The following ZBED4 variants were observed in gnomAD, a reference collection of about 807,000 sequenced individuals.
ZBED4 encodes the protein zinc finger BED-type containing 4, also known as zinc finger BED domain-containing protein 4.
In ZBED4, 4 loss-of-function variants were observed where a neutral mutation model predicts 15.5. The ratio of observed to expected loss-of-function variants is 0.26; its 90% confidence interval spans 0.13 to 0.59. ZBED4 has a LOEUF of 0.59. ZBED4 is among the 20% of genes least tolerant of loss of function. The pLI, the probability that ZBED4 is intolerant of heterozygous loss-of-function variation, is 0.90. For synonymous variants in ZBED4, 692 were observed against 608.5 expected (o/e 1.14, Z -2.02); for missense variants, 1,323 against 1,461.8 (o/e 0.91, Z 1.55).
intron 1 of ZBED4, among the ~76,000 whole-genome samples, chr22:49,868,000 A>G (rs2060329822): frequency 6.6e-6 from 1 of 152,230 alleles, no homozygotes; most frequent in African/African-American, 2.4e-5. Flanking sequence ...AAAGATCAAC[A>G]TTCAGAATTC....
At chr22:49,867,380 C>A (rs369003537) in intron 1 of ZBED4, among the ~76,000 whole-genome samples, 3 of 152,262 alleles carry the variant, frequency 2.0e-5, no homozygotes, top group African/African-American at 7.2e-5. Context: ...GTGGGAGCGG[C>A]GGTTGGGGAG....
chr22:49,864,979 C>T (rs2147510598), intron 1 of ZBED4, among the ~76,000 whole-genome samples: 2 of 134,846 alleles, frequency 1.5e-5, no homozygotes, highest in South Asian at 5.2e-4. Context: ...CGGAGTCCAG[C>T]TATTGTGCTG....
rs1163369171 is a variant in ZBED4, at chr22:49,886,611, C to T, written c.2949C>T (p.Arg983=). The T allele has an allele frequency of 6.4e-7, 1 of 1,574,116 alleles. No homozygotes were observed. The highest frequency in any genetic ancestry group is 1.2e-5 in the South Asian group (1 of 84,810). ...EETMGIDTML[R]SLKEAMVSRL... is the part of the protein sequence containing the mutation. ...CGATGGGCATCGACACCATGCTGCG[C>T]TCTCTGAAGGAGGCCATGGTGAGCC... is the stretch of plus-strand genomic sequence containing the variant. The change falls in exon 2 of 2, where the codon CGC becomes CGT. Residue 983 remains arginine (R), a synonymous_variant. Coordinates refer to ENST00000216268, the MANE Select transcript of ZBED4 (RefSeq NM_014838.3). This position sits in a 1 kb window ranked among gnomAD's most constrained non-coding sequence, Gnocchi z 7.7.
chr22:49,874,014 C>G (rs775789036), intron 1 of ZBED4, among the ~76,000 whole-genome samples: 1 of 152,232 alleles, frequency 6.6e-6, no homozygotes, highest in Non-Finnish European at 1.5e-5. Context: ...GTCCTGTGAC[C>G]TCTCTGAACT....
Position 49,883,656 on chromosome 22 carries a change from G to A in ZBED4, c.-7G>A, listed in dbSNP as rs1049971426. ...CTAAGATACAGCCGGAGTAGTTATG[G>A]TCAGTCATGGAGAATAACTTGAAAA... On this transcript the variant is annotated 5_prime_UTR_variant, in exon 2 of 2. Coordinates refer to ENST00000216268, the MANE Select transcript of ZBED4 (RefSeq NM_014838.3). 6 of 1,550,948 alleles carry A rather than the reference G, an allele frequency of 3.9e-6. No homozygotes were observed. Among genetic ancestry groups the A allele is most frequent in the Non-Finnish European group, 5.3e-6 (6 of 1,141,806 alleles).
chr22:49,855,528 G>A (rs1189502915), intron 1 of ZBED4, among the ~76,000 whole-genome samples: 1 of 152,178 alleles, frequency 6.6e-6, no homozygotes, highest in Non-Finnish European at 1.5e-5. Flanking sequence ...TAGGGGAGCG[G>A]ACTGACTTCT....
chr22:49,881,381 G>A (rs1184665417), intron 1 of ZBED4, among the ~76,000 whole-genome samples: 1 of 152,228 alleles, frequency 6.6e-6, no homozygotes, highest in Admixed American at 6.5e-5. Flanking sequence ...TAATTCATCT[G>A]TAGAAATACA....
rs928686076 is a variant in ZBED4, at chr22:49,889,215, A to G, written c.*2037A>G. The stretch of plus-strand genomic sequence containing the variant: ...CATATAGTCTAGTCCACGATTGGCA[A>G]GCTGCAACCACAGACCCAGTCCGGC... On this transcript the variant is annotated 3_prime_UTR_variant, in exon 2 of 2. Coordinates refer to ENST00000216268, the MANE Select transcript of ZBED4 (RefSeq NM_014838.3). 2 of 167,066 alleles carry G rather than the reference A, an allele frequency of 1.2e-5. No homozygotes were observed. Among genetic ancestry groups the G allele is most frequent in the African/African-American group, 4.8e-5 (2 of 41,464 alleles). 10.3% of individuals were successfully genotyped at this position (167,066 alleles called of 1,614,324 possible). A position where few individuals can be genotyped will look rare whatever the true frequency, so the allele number is the denominator to read the frequency against.
chr22:49,883,456 C>A lies in ZBED4; in HGVS notation c.-207C>A. On this transcript the variant is annotated 5_prime_UTR_variant, in exon 2 of 2. Coordinates refer to ENST00000216268, the MANE Select transcript of ZBED4 (RefSeq NM_014838.3). ...ACCATGAGTGTTTAGTAGCAGGACTCTTGGAAAGCAGTGATCTATGCTGTA... is the reference window on the plus strand; with the variant it reads ...ACCATGAGTGTTTAGTAGCAGGACTATTGGAAAGCAGTGATCTATGCTGTA... 1.6e-6 allele frequency: 1 copy of A among 611,418 alleles called. No homozygotes were observed. Among genetic ancestry groups the A allele is most frequent in the Non-Finnish European group, 2.5e-6 (1 of 393,542 alleles). 37.9% of individuals were successfully genotyped at this position (611,418 alleles called of 1,614,324 possible).
intron 1 of ZBED4, among the ~76,000 whole-genome samples, chr22:49,868,463 C>T (rs775029532): frequency 2.6e-5 from 4 of 152,110 alleles, no homozygotes; most frequent in Non-Finnish European, 4.4e-5. Context: ...CCTGTCATCC[C>T]AGCTACTGAG....
At chr22:49,863,911 G>C (rs565204488) in intron 1 of ZBED4, among the ~76,000 whole-genome samples, 6 of 152,332 alleles carry the variant, frequency 3.9e-5, no homozygotes, top group African/African-American at 1.4e-4. Context: ...TCTTTGGACA[G>C]TGAGAGCCCC....
rs539148057 is a variant in ZBED4 at position 49,888,995 on chromosome 22, G to C, written c.*1817G>C. The C allele has an allele frequency of 1.8e-5, 3 of 167,354 alleles. No homozygotes were observed. Among genetic ancestry groups the C allele is most frequent in the East Asian group, 1.9e-4 (1 of 5,334 alleles). 10.4% of individuals were successfully genotyped at this position (167,354 alleles called of 1,614,324 possible). A position where few individuals can be genotyped will look rare whatever the true frequency, so the allele number is the denominator to read the frequency against. ...GTTTCTTAAGATTGTATTTGGAATG[G>C]TAATATCCTTAGAATTTTGGGATAT... is the stretch of plus-strand genomic sequence containing the variant. On this transcript the variant is annotated 3_prime_UTR_variant, in exon 2 of 2. Transcript: ENST00000216268.
In ZBED4 at chr22:49,885,542, C is replaced by T. The variant is rs765993642; in HGVS notation, c.1880C>T (p.Thr627Ile). ...ACGGCTCGGCCCTCCTCTCCGGACA[C>T]CCGGGTGCCGCGGGGCACAGAATTA... is the stretch of plus-strand genomic sequence containing the variant. The part of the protein sequence containing the change: ...SETARPSSPD[T>I]RVPRGTELSG... Residue 627 changes from threonine (T) to isoleucine (I), a missense_variant, in exon 2 of 2, where the codon ACC (threonine) becomes ATC (isoleucine). By Grantham distance (89) the Thr-to-Ile change is moderately conservative. Around this residue, in one of 6 missense-constraint regions of ZBED4, gnomAD observed 429 missense variants for 397.9 expected, o/e 1.08. Coordinates refer to ENST00000216268, the MANE Select transcript of ZBED4 (RefSeq NM_014838.3). 5.0e-6 allele frequency: 8 copies of T among 1,606,572 alleles called. No individual in the cohort carries two copies. In the South Asian group the frequency reaches 8.8e-5, roughly 18 times the overall value.
Position 49,883,597 on chromosome 22 carries a change from C to A in ZBED4, c.-66C>A. 6.9e-7 allele frequency: 1 copy of A among 1,454,566 alleles called. No homozygotes were observed. 90.1% of individuals were successfully genotyped at this position (1,454,566 alleles called of 1,614,324 possible). A position where few individuals can be genotyped will look rare whatever the true frequency, so the allele number is the denominator to read the frequency against. ...AGTGAAGATAATCTACATTCGGGGG[C>A]ACAAATGAGCACTTGGATCAGTGTT... On this transcript the variant is annotated 5_prime_UTR_variant, in exon 2 of 2. Transcript: ENST00000216268.
In ZBED4 at chr22:49,890,012, T is replaced by TA. The variant is rs2060460073; in HGVS notation, c.*2840dup. ...TACCAGTCATTATACGAAGGGACTT[T>TA]AAAAAATTTGTGGAAATACTGAAGT... On this transcript the variant is annotated 3_prime_UTR_variant, in exon 2 of 2. Coordinates refer to ENST00000216268, the MANE Select transcript of ZBED4 (RefSeq NM_014838.3). The TA allele has an allele frequency of 6.0e-6, 1 of 167,076 alleles. No homozygotes were observed. Among genetic ancestry groups the TA allele is most frequent in the Admixed American group, 6.5e-5 (1 of 15,284 alleles). The allele number at this position is 167,076 out of a possible 1,614,324, so 10.3% of individuals were successfully genotyped here.
intron 1 of ZBED4, among the ~76,000 whole-genome samples, chr22:49,862,574 C>T (rs924418893): frequency 1.8e-4 from 28 of 152,132 alleles, no homozygotes; most frequent in African/African-American, 6.0e-4. Flanking sequence ...AGCCCCTGTG[C>T]GTGCCGCCCC....
intron 1 of ZBED4, among the ~76,000 whole-genome samples, chr22:49,858,863 C>T (rs944833666): frequency 1.3e-5 from 2 of 152,118 alleles, no homozygotes; most frequent in African/African-American, 2.4e-5. Context: ...CTTTGCGTTC[C>T]GGTGCCCCCG....
intron 1 of ZBED4, among the ~76,000 whole-genome samples, chr22:49,864,021 T>C (rs2060309288): frequency 2.0e-5 from 3 of 152,186 alleles, no homozygotes; most frequent in Admixed American, 2.0e-4. Context: ...TTTTTCCGGC[T>C]CCAGACCTGA....
At position 49,866,638 on chromosome 22, in the gene ZBED4, T is replaced by C. The variant is rs146764725; in HGVS notation, c.-330+12649T>C. On this transcript the variant is annotated intron_variant, in intron 1 of 1. Transcript: ENST00000216268. ...AGGAAGTTACCGTTTTCATTTAATC[T>C]GAGGTCACATTTTTCTGTGAGCATA... 6.8e-3 allele frequency among the ~76,000 whole-genome samples: 1,033 copies of C among 152,328 alleles called. 8 individuals carry two copies. Among genetic ancestry groups the C allele is most frequent in the African/African-American group, 0.023 (966 of 41,578 alleles).
Sources: allele counts gnomAD v4.1 joint callset (sites outside exome capture counted in the v4.1 genomes callset), GRCh38; gene constraint gnomAD v4.1.1; regional missense constraint gnomAD v4.1.1; non-coding constraint Gnocchi (gnomAD v3.1); transcripts MANE v1.5; gene names NCBI Gene and HGNC (gene_info 2026-07-23, HGNC 2026-07-21).